The following RNF216 variants were observed in gnomAD, a reference collection of about 807,000 sequenced individuals.
The protein encoded by RNF216 is ring finger protein 216.
Under a neutral mutation model 110.8 loss-of-function variants are expected in RNF216, and 72 were observed. The ratio of observed to expected loss-of-function variants is 0.65; its 90% CI spans 0.54 to 0.79. RNF216 has a LOEUF of 0.79. Among genes scored for constraint, RNF216 ranks in the 30% least tolerant of loss-of-function variants. The probability of loss-of-function intolerance (pLI) is 0.00; values close to 1 mark genes in which losing one functional copy is unlikely to be tolerated. For synonymous variants in RNF216, 495 were observed against 407.5 expected (o/e 1.21, Z -2.59); for missense variants, 1,342 against 1,141.2 (o/e 1.18, Z -2.54).
At chr7:5,742,724 T>C (rs915190285) in intron 3 of RNF216, among the ~76,000 whole-genome samples, 2 of 149,760 alleles carry the variant, frequency 1.3e-5, no homozygotes, top group Non-Finnish European at 3.0e-5. Context: ...GCCTCCCGAG[T>C]AGCTGGGATT....
chr7:5,640,361 G>A (rs1197203685), intron 15 of RNF216, among the ~76,000 whole-genome samples: 2 of 152,026 alleles, frequency 1.3e-5, no homozygotes, highest in East Asian at 1.9e-4. Flanking sequence ...TCTCCCCAGC[G>A]TAGTAGCTAG....
intron 2 of RNF216, among the ~76,000 whole-genome samples, chr7:5,753,218 A>T (rs1055656816): frequency 1.3e-5 from 2 of 152,204 alleles, no homozygotes; most frequent in African/African-American, 4.8e-5. Flanking sequence ...CAAGATTATC[A>T]ACTTTTTCTC....
At chr7:5,668,823 G>T (rs1423254611) in intron 13 of RNF216, among the ~76,000 whole-genome samples, 2 of 152,142 alleles carry the variant, frequency 1.3e-5, no homozygotes, top group Non-Finnish European at 2.9e-5. Context: ...CAAGATTTGG[G>T]CGTTCTAGTC....
chr7:5,623,736 A>T (rs191786829), intron 16 of RNF216, among the ~76,000 whole-genome samples: 100 of 152,188 alleles, frequency 6.6e-4, no homozygotes, highest in African/African-American at 2.3e-3. Context: ...ACCTGGCTTC[A>T]CTGCTTTTCA....
intron 2 of RNF216, among the ~76,000 whole-genome samples, chr7:5,753,837 A>T: frequency 6.6e-6 from 1 of 152,172 alleles, no homozygotes; most frequent in Non-Finnish European, 1.5e-5. Context: ...TCTACTAAAA[A>T]TACAAAAATT....
intron 15 of RNF216, among the ~76,000 whole-genome samples, chr7:5,635,287 TCAC>T (rs1011400982): frequency 1.3e-5 from 2 of 149,706 alleles, no homozygotes; most frequent in Non-Finnish European, 3.0e-5. Flanking sequence ...CCCACTAACT[TCAC>T]TTTTTTTTTT....
intron 14 of RNF216, among the ~76,000 whole-genome samples, chr7:5,647,206 C>T (rs988070486): frequency 2.6e-5 from 4 of 151,832 alleles, no homozygotes; most frequent in Admixed American, 2.0e-4. Context: ...TTGGAATTCC[C>T]TACACTGTCA....
At chr7:5,628,309 C>T (rs1786841930) in intron 15 of RNF216, among the ~76,000 whole-genome samples, 1 of 152,174 alleles carries the variant, frequency 6.6e-6, no homozygotes, top group Non-Finnish European at 1.5e-5. Context: ...TGACGGCACT[C>T]AGCTACAATG....
intron 13 of RNF216, among the ~76,000 whole-genome samples, chr7:5,684,881 G>C (rs1398265512): frequency 6.6e-6 from 1 of 151,952 alleles, no homozygotes; most frequent in Non-Finnish European, 1.5e-5. Flanking sequence ...AGAAGGAAAG[G>C]GTGCTTGGGA....
intron 15 of RNF216, among the ~76,000 whole-genome samples, chr7:5,629,229 T>A (rs901192740): frequency 6.7e-6 from 1 of 148,404 alleles, no homozygotes; most frequent in African/African-American, 2.5e-5. Context: ...ACAATTCCAG[T>A]GCTTTGGGAG....
intron 9 of RNF216, 99 bp downstream of exon 9, chr7:5,720,934 G>C: frequency 2.5e-6 from 3 of 1,213,152 alleles, no homozygotes; most frequent in Non-Finnish European, 3.4e-6. Flanking sequence ...ACAGTCTGAA[G>C]AAAAGGGAAA....
intron 15 of RNF216, among the ~76,000 whole-genome samples, chr7:5,633,477 A>G (rs1787203283): frequency 6.6e-6 from 1 of 152,052 alleles, no homozygotes; most frequent in Non-Finnish European, 1.5e-5. Flanking sequence ...CAGGAGGGTG[A>G]GGCAGGAGAA....
In RNF216 at chr7:5,781,177, G is replaced by C. The variant is rs541350942; in HGVS notation, c.-70+364C>G. Reference sequence around the variant, plus strand: ...TCCTCCAGGCCGCGCTCGGGTGCACGGACACCGCCTCCGCGGCGGCCTCGG... The same window carrying C: ...TCCTCCAGGCCGCGCTCGGGTGCACCGACACCGCCTCCGCGGCGGCCTCGG... On this transcript the variant is annotated intron_variant, in intron 1 of 16. Coordinates refer to ENST00000389902, the MANE Select transcript of RNF216 (RefSeq NM_207111.4). Among the ~76,000 whole-genome samples the C allele has an allele frequency of 3.9e-5, 6 of 152,234 alleles. No homozygotes were observed. In the East Asian group the frequency reaches 9.7e-4, roughly 25 times the overall value.
At chr7:5,760,426 G>T (rs757543078) in intron 2 of RNF216, 14 of 371,544 alleles carry the variant, frequency 3.8e-5, no homozygotes, top group South Asian at 2.5e-4. Context: ...TCAGACCGGA[G>T]AATCATTTGA....
intron 13 of RNF216, 149 bp from the exon 14 acceptor site, chr7:5,652,659 A>G: frequency 1.6e-6 from 1 of 606,768 alleles, no homozygotes; most frequent in South Asian, 1.9e-5. Flanking sequence ...ATTTCTAAAG[A>G]CATCTTTTAA....
intron 15 of RNF216, among the ~76,000 whole-genome samples, chr7:5,634,808 C>T (rs1584347529): frequency 2.6e-5 from 4 of 152,206 alleles, no homozygotes; most frequent in Admixed American, 6.5e-5. Context: ...ACCAACAGGC[C>T]GTGTGTACTG....
chr7:5,746,762 T>C (rs1795051266), intron 3 of RNF216, among the ~76,000 whole-genome samples: 1 of 152,154 alleles, frequency 6.6e-6, no homozygotes, highest in Non-Finnish European at 1.5e-5. Context: ...AAGCTACAAA[T>C]AGTTACACAA....
chr7:5,686,461 G>A (rs921068717), intron 13 of RNF216, among the ~76,000 whole-genome samples: 1 of 152,116 alleles, frequency 6.6e-6, no homozygotes, highest in African/African-American at 2.4e-5. Context: ...CACAGTGGTG[G>A]CTTAAGAGTC....
chr7:5,659,189 T>A (rs909947621), intron 13 of RNF216, among the ~76,000 whole-genome samples: 1 of 152,174 alleles, frequency 6.6e-6, no homozygotes, highest in Non-Finnish European at 1.5e-5. Flanking sequence ...ACTTATTCAC[T>A]CATTTATGTG....
Sources: allele counts gnomAD v4.1 joint callset (sites outside exome capture counted in the v4.1 genomes callset), GRCh38; gene constraint gnomAD v4.1.1; transcripts MANE v1.5; gene names NCBI Gene and HGNC (gene_info 2026-07-23, HGNC 2026-07-21).